The following MYO16 variants were observed in gnomAD, a reference collection of about 807,000 sequenced individuals.
MYO16 encodes myosin XVI.
MYO16 carries 94 observed loss-of-function variants against 205.3 expected under a neutral mutation model. That is an observed-to-expected ratio of 0.46 (90% CI 0.39 to 0.54). The LOEUF (loss-of-function observed/expected upper bound fraction) is 0.54. Among genes scored for constraint, MYO16 ranks in the 20% least tolerant of loss-of-function variants. The pLI, the probability that MYO16 is intolerant of heterozygous loss-of-function variation, is 0.00. For synonymous variants in MYO16, 988 were observed against 954.0 expected, an observed-to-expected ratio of 1.04 and a Z score of -0.66; for missense variants, 2,315 against 2,387.5, an observed-to-expected ratio of 0.97 and a Z score of 0.63.
intron 28 of MYO16, 64 bp from the exon 29 acceptor site, chr13:109,120,306 A>T: frequency 8.6e-7 from 1 of 1,164,196 alleles, no homozygotes; most frequent in Non-Finnish European, 1.2e-6. Flanking sequence ...TTGTCTGATT[A>T]TTTTTCCATC....
the MYO16 span, among the ~76,000 whole-genome samples, chr13:108,501,370 T>C: frequency 6.6e-6 from 1 of 152,158 alleles, no homozygotes; most frequent in Non-Finnish European, 1.5e-5. Context: ...ATCGTATCTC[T>C]CCTCTGCCGG....
At chr13:108,960,422 T>C in intron 17 of MYO16, among the ~76,000 whole-genome samples, 1 of 152,180 alleles carries the variant, frequency 6.6e-6, no homozygotes, top group East Asian at 1.9e-4. Context: ...TTTTTATATG[T>C]ATATCACTTT....
intron 27 of MYO16, among the ~76,000 whole-genome samples, chr13:109,084,037 C>T (rs943642409): frequency 7.2e-5 from 11 of 152,206 alleles, no homozygotes; most frequent in African/African-American, 2.7e-4. Flanking sequence ...ATCCACTCAG[C>T]AGTTCCTGTT....
the MYO16 span, among the ~76,000 whole-genome samples, chr13:108,584,180 C>T: frequency 6.6e-6 from 1 of 152,150 alleles, no homozygotes; most frequent in African/African-American, 2.4e-5. Flanking sequence ...GTCTCAATCT[C>T]CTGACCTCAT....
chr13:109,201,940 C>A (rs72658233), intron 34 of MYO16, among the ~76,000 whole-genome samples: 2 of 151,656 alleles, frequency 1.3e-5, no homozygotes, highest in Non-Finnish European at 2.9e-5. Flanking sequence ...ACTTTTTATG[C>A]CAGAGTAGTA....
At chr13:108,663,839 T>C (rs1392718803) in intron 1 of MYO16, among the ~76,000 whole-genome samples, 1 of 152,220 alleles carries the variant, frequency 6.6e-6, no homozygotes, top group Non-Finnish European at 1.5e-5. Flanking sequence ...TAGGCTTTTT[T>C]TTGTGGCCCT....
At chr13:109,022,687 C>CAA (rs1886113369) in intron 23 of MYO16, among the ~76,000 whole-genome samples, 1 of 110,384 alleles carries the variant, frequency 9.1e-6, no homozygotes, top group Non-Finnish European at 1.8e-5. Flanking sequence ...CACATATAAA[C>CAA]ATGTATATAT....
chr13:109,107,563 A>G (rs1889155484), intron 28 of MYO16, among the ~76,000 whole-genome samples: 1 of 152,040 alleles, frequency 6.6e-6, no homozygotes, highest in Admixed American at 6.6e-5. Context: ...TGATGAGACA[A>G]TTGTATTAGG....
intron 28 of MYO16, among the ~76,000 whole-genome samples, chr13:109,115,853 G>A (rs1875651626): frequency 6.6e-6 from 1 of 152,118 alleles, no homozygotes; most frequent in South Asian, 2.1e-4. Flanking sequence ...GTAGAGAACT[G>A]TAAAGACTGC....
intron 1 of MYO16, among the ~76,000 whole-genome samples, chr13:108,645,469 T>C (rs1356875932): frequency 6.6e-6 from 1 of 152,174 alleles, no homozygotes; most frequent in African/African-American, 2.4e-5. Context: ...ATGTGATTCC[T>C]AACATTCAGA....
At chr13:109,083,782 C>T (rs1888353627) in intron 27 of MYO16, among the ~76,000 whole-genome samples, 1 of 152,116 alleles carries the variant, frequency 6.6e-6, no homozygotes, top group South Asian at 2.1e-4. Flanking sequence ...GGGTGGCAAT[C>T]AGGACAGCAT....
chr13:108,794,840 C>G (rs1886734934), intron 6 of MYO16, among the ~76,000 whole-genome samples: 1 of 151,956 alleles, frequency 6.6e-6, no homozygotes, highest in African/African-American at 2.4e-5. Context: ...AATTGAAATG[C>G]TTCAAATCAG....
At chr13:108,571,775 G>GA in the MYO16 span, among the ~76,000 whole-genome samples, 23,354 of 137,896 alleles carry the variant, frequency 0.17, 2,191 homozygotes, top group Non-Finnish European at 0.23. Context: ...TTCTATATTT[G>GA]AAAAAAAAAA....
intron 2 of MYO16, among the ~76,000 whole-genome samples, chr13:108,696,888 G>T (rs1883111707): frequency 2.0e-5 from 3 of 151,654 alleles, no homozygotes; most frequent in African/African-American, 7.3e-5. Context: ...AGTGCTCAAA[G>T]GTTTCAATTG....
At chr13:109,160,212 G>A (rs1166008773) in intron 32 of MYO16, among the ~76,000 whole-genome samples, 1 of 152,168 alleles carries the variant, frequency 6.6e-6, no homozygotes, top group African/African-American at 2.4e-5. Context: ...CTCCTATCAA[G>A]AGCCATGATT....
intron 32 of MYO16, among the ~76,000 whole-genome samples, chr13:109,158,404 A>G (rs1388312581): frequency 2.6e-5 from 4 of 151,964 alleles, no homozygotes; most frequent in African/African-American, 9.7e-5. Context: ...CCCTCCACAA[A>G]ATCCTTCCTG....
intron 23 of MYO16, among the ~76,000 whole-genome samples, chr13:109,022,381 A>T (rs1366114923): frequency 1.3e-5 from 1 of 75,758 alleles, no homozygotes; most frequent in East Asian, 3.8e-4. Flanking sequence ...TATTATATAT[A>T]CAAATATACA....
chr13:108,982,267 G>A (rs1884471665), intron 20 of MYO16, among the ~76,000 whole-genome samples: 1 of 152,218 alleles, frequency 6.6e-6, no homozygotes, highest in African/African-American at 2.4e-5. Flanking sequence ...GGCTAACTAT[G>A]TGTGGTGATG....
intron 4 of MYO16, among the ~76,000 whole-genome samples, chr13:108,763,211 T>C (rs1252175080): frequency 6.6e-6 from 1 of 152,220 alleles, no homozygotes; most frequent in African/African-American, 2.4e-5. Context: ...GTCTTAAACA[T>C]TGATATACTT....
Sources: gnomAD v4.1 joint callset for allele counts (sites outside exome capture counted in the v4.1 genomes callset) on GRCh38, gnomAD v4.1.1 for gene constraint, MANE v1.5 for transcripts, NCBI Gene and HGNC (gene_info 2026-07-23, HGNC 2026-07-21) for gene names.